RBFOX1: variants seen among roughly 807,000 people sequenced by gnomAD.
The protein encoded by RBFOX1 is RNA binding protein fox-1 homolog 1.
In RBFOX1, 8 loss-of-function variants were observed where a neutral mutation model predicts 57.7. The observed-to-expected ratio is 0.14, with a 90% CI of 0.08 to 0.25. RBFOX1 has a LOEUF of 0.25. RBFOX1 is among the 10% of genes least tolerant of loss of function. The pLI is 1.00. For synonymous variants in RBFOX1, 326 were observed against 222.4 expected (o/e 1.47, Z -4.15); for missense variants, 611 against 548.5 (o/e 1.11, Z -1.14).
intron 1 of RBFOX1, among the ~76,000 whole-genome samples, chr16:5,352,295 C>G (rs1366663656): frequency 1.3e-5 from 2 of 152,144 alleles, no homozygotes; most frequent in African/African-American, 4.8e-5. Flanking sequence ...CAGCTATATC[C>G]AACTTTAAAA....
At chr16:7,382,648 G>A (rs1033096028) in intron 4 of RBFOX1, among the ~76,000 whole-genome samples, 1 of 152,174 alleles carries the variant, frequency 6.6e-6, no homozygotes, top group Non-Finnish European at 1.5e-5. Context: ...TAGTTAAAAG[G>A]AATTAAAATC....
intron 1 of RBFOX1, among the ~76,000 whole-genome samples, chr16:6,192,363 C>T (rs528345642): frequency 2.0e-5 from 3 of 152,176 alleles, no homozygotes; most frequent in South Asian, 4.2e-4. Context: ...TCTGAAGGAA[C>T]GGCAGATAAG....
intron 4 of RBFOX1, among the ~76,000 whole-genome samples, chr16:7,387,337 A>G (rs1200254358): frequency 6.6e-6 from 1 of 152,182 alleles, no homozygotes; most frequent in Non-Finnish European, 1.5e-5. Context: ...AGACCCAGGT[A>G]TTTGATTAAT....
At chr16:7,566,105 G>C (rs1187185384) in intron 5 of RBFOX1, among the ~76,000 whole-genome samples, 2 of 152,140 alleles carry the variant, frequency 1.3e-5, no homozygotes, top group African/African-American at 4.8e-5. Flanking sequence ...ATTTGATATG[G>C]TGTTTAGTCA....
chr16:5,769,827 C>T (rs74006273), intron 3 of RBFOX1, among the ~76,000 whole-genome samples: 13,819 of 152,110 alleles, frequency 0.091, 2,100 homozygotes, highest in African/African-American at 0.31. Context: ...GCCTCCCAGA[C>T]GACAAGATAG....
chr16:6,837,883 A>G (rs911360956), intron 3 of RBFOX1, among the ~76,000 whole-genome samples: 3 of 152,122 alleles, frequency 2.0e-5, no homozygotes, highest in African/African-American at 7.2e-5. Flanking sequence ...CACTGAAAGC[A>G]TGCCCAACAG....
intron 1 of RBFOX1, among the ~76,000 whole-genome samples, chr16:5,322,193 C>G (rs1192664021): frequency 6.6e-6 from 1 of 152,182 alleles, no homozygotes; most frequent in Non-Finnish European, 1.5e-5. Flanking sequence ...CCTTCCAGTT[C>G]TGGGAGCTTC....
chr16:6,526,299 G>A (rs2096576744), intron 2 of RBFOX1, among the ~76,000 whole-genome samples: 1 of 152,150 alleles, frequency 6.6e-6, no homozygotes, highest in Non-Finnish European at 1.5e-5. Context: ...GGGACAAGCG[G>A]AGCCATTTGT....
At chr16:6,645,036 C>A (rs969133226) in intron 2 of RBFOX1, among the ~76,000 whole-genome samples, 1 of 152,114 alleles carries the variant, frequency 6.6e-6, no homozygotes, top group African/African-American at 2.4e-5. Flanking sequence ...GTGAGCAGGA[C>A]GGCTCTCCCA....
At chr16:6,333,132 C>T (rs574426463) in intron 2 of RBFOX1, among the ~76,000 whole-genome samples, 11 of 152,172 alleles carry the variant, frequency 7.2e-5, no homozygotes, top group South Asian at 6.2e-4. Context: ...CTCTGTCTCC[C>T]GGGCTCAAGC....
intron 2 of RBFOX1, among the ~76,000 whole-genome samples, chr16:6,559,021 A>T (rs977570650): frequency 3.9e-5 from 6 of 152,016 alleles, no homozygotes; most frequent in African/African-American, 1.4e-4. Flanking sequence ...TCCCACCCCT[A>T]ATGCAACTCC....
At chr16:7,145,717 CT>C (rs1414009280) in intron 4 of RBFOX1, among the ~76,000 whole-genome samples, 8 of 152,150 alleles carry the variant, frequency 5.3e-5, no homozygotes, top group African/African-American at 1.7e-4. Flanking sequence ...AAAAATGTAT[CT>C]TTAAGCTTGA....
intron 1 of RBFOX1, among the ~76,000 whole-genome samples, chr16:5,348,157 C>T (rs553109127): frequency 6.6e-6 from 1 of 151,482 alleles, no homozygotes; most frequent in Non-Finnish European, 1.5e-5. Context: ...TATCCATCCA[C>T]CCATCCACCT....
intron 3 of RBFOX1, among the ~76,000 whole-genome samples, chr16:6,799,423 C>T (rs11641182): frequency 0.11 from 16,544 of 152,086 alleles, 1,049 homozygotes; most frequent in East Asian, 0.28. Context: ...GTGAGTTATT[C>T]GCAAACTTTC....
intron 3 of RBFOX1, among the ~76,000 whole-genome samples, chr16:6,790,103 C>A (rs1020842599): frequency 1.3e-5 from 2 of 148,934 alleles, no homozygotes; most frequent in South Asian, 4.2e-4. Flanking sequence ...TGAAATTTTT[C>A]ATGCTGTGAA....
chr16:6,890,834 G>C (rs538303872), intron 3 of RBFOX1, among the ~76,000 whole-genome samples: 7 of 152,160 alleles, frequency 4.6e-5, no homozygotes, highest in African/African-American at 1.4e-4. Context: ...TTGTGTAGGT[G>C]AAAATAGCAC....
intron 3 of RBFOX1, among the ~76,000 whole-genome samples, chr16:6,988,332 T>G (rs1190119607): frequency 6.6e-6 from 1 of 152,148 alleles, no homozygotes; most frequent in Non-Finnish European, 1.5e-5. Flanking sequence ...ATGAAAGTGT[T>G]TATAATCTTA....
intron 1 of RBFOX1, among the ~76,000 whole-genome samples, chr16:6,026,832 G>T (rs1452194523): frequency 6.6e-6 from 1 of 152,138 alleles, no homozygotes; most frequent in East Asian, 1.9e-4. Flanking sequence ...TTGAGGGAGC[G>T]GTTGGACCAC....
chr16:6,861,187 T>G (rs146947529), intron 3 of RBFOX1, among the ~76,000 whole-genome samples: 181 of 152,242 alleles, frequency 1.2e-3, no homozygotes, highest in African/African-American at 4.4e-3. Context: ...GAAAAAAGAG[T>G]GCATCTGAAC....
Sources: gnomAD v4.1 joint callset for allele counts (sites outside exome capture counted in the v4.1 genomes callset) on GRCh38, gnomAD v4.1.1 for gene constraint, MANE v1.5 for transcripts, NCBI Gene and HGNC (gene_info 2026-07-23, HGNC 2026-07-21) for gene names.